Variants in TMEM132E observed in about 807,000 individuals in gnomAD.
TMEM132E encodes the protein transmembrane protein 132E.
A neutral mutation model predicts 78.5 loss-of-function variants in TMEM132E; 49 were observed. The ratio of observed to expected loss-of-function variants is 0.62; its 90% CI spans 0.50 to 0.79. The LOEUF is 0.79. TMEM132E is among the 30% of genes least tolerant of loss of function. The pLI is 0.00. For missense variants in TMEM132E, 1,403 were observed against 1,470.9 expected, an observed-to-expected ratio of 0.95 and a Z score of 0.75; for synonymous variants, 715 against 670.6, an observed-to-expected ratio of 1.07 and a Z score of -1.02.
rs894979336 is a variant in TMEM132E, at chr17:34,582,600, G to C, written c.67+1457G>C. On this transcript the variant is annotated intron_variant, in intron 1 of 8. Coordinates refer to ENST00000631683, the MANE Select transcript of TMEM132E (RefSeq NM_001304438.2). The stretch of plus-strand genomic sequence containing the variant: ...AATAGGCAGAGCAGCGAGCCAGCAG[G>C]GGGGCGAGGGTGAGGTGGGGCGAAG... Among the ~76,000 whole-genome samples, 73 of 152,092 alleles carry C rather than the reference G, an allele frequency of 4.8e-4. 3 individuals are homozygous for C. Among genetic ancestry groups the C allele is most frequent in the Admixed American group, 4.8e-3 (73 of 15,274 alleles).
At chr17:34,589,747 G>A (rs142371238) in intron 1 of TMEM132E, among the ~76,000 whole-genome samples, 4 of 152,232 alleles carry the variant, frequency 2.6e-5, no homozygotes, top group African/African-American at 9.6e-5. Flanking sequence ...ACCCACAACC[G>A]GAGCCCTGCC....
intron 1 of TMEM132E, among the ~76,000 whole-genome samples, chr17:34,582,717 G>T (rs1006702635): frequency 6.6e-6 from 1 of 152,098 alleles, no homozygotes; most frequent in Non-Finnish European, 1.5e-5. Context: ...GCCTGTCTGC[G>T]CACTGGAGCT....
Position 34,580,686 on chromosome 17 carries a change from C to T in TMEM132E, c.-391C>T, listed in dbSNP as rs573342991. 1 of 197,688 alleles carries T rather than the reference C, an allele frequency of 5.1e-6. No individual in the cohort carries two copies. Among genetic ancestry groups the T allele is most frequent in the East Asian group, 1.1e-4 (1 of 8,774 alleles). The allele number at this position is 197,688 out of a possible 1,614,324, so 12.2% of individuals were successfully genotyped here. A position where few individuals can be genotyped will look rare whatever the true frequency, so the allele number is the denominator to read the frequency against. ...GGATTGCGTTGGAAGTCGGCACCCT[C>T]GAGTGAGTTCGGATTCGAGCTGGGC... On this transcript the variant is annotated 5_prime_UTR_variant, in exon 1 of 9. Transcript: ENST00000631683.
At chr17:34,585,129 T>G (rs1052859225) in intron 1 of TMEM132E, among the ~76,000 whole-genome samples, 2 of 152,254 alleles carry the variant, frequency 1.3e-5, no homozygotes, top group African/African-American at 4.8e-5. Context: ...CATGCAGCCG[T>G]ATTCACAACA....
At chr17:34,634,768 A>T in intron 6 of TMEM132E, 31 bp from the exon 7 acceptor site, 1 of 1,587,258 alleles carries the variant, frequency 6.3e-7, no homozygotes, top group Non-Finnish European at 8.6e-7. Flanking sequence ...TCCAGGTGAG[A>T]AGCCTTCAGC....
intron 1 of TMEM132E, among the ~76,000 whole-genome samples, chr17:34,620,461 G>A (rs1018319058): frequency 2.6e-5 from 4 of 152,238 alleles, no homozygotes; most frequent in African/African-American, 4.8e-5. Context: ...CTTGTACTAC[G>A]CAAAGCTGGT....
intron 1 of TMEM132E, among the ~76,000 whole-genome samples, chr17:34,608,998 T>C (rs978629138): frequency 1.3e-5 from 2 of 152,180 alleles, no homozygotes; most frequent in African/African-American, 2.4e-5. Context: ...TCCTGAGTCA[T>C]TCCCATCTCA....
intron 1 of TMEM132E, among the ~76,000 whole-genome samples, 175 bp from the exon 2 acceptor site, chr17:34,625,950 AGC>A (rs1267390853): frequency 1.3e-5 from 2 of 152,118 alleles, no homozygotes; most frequent in African/African-American, 4.8e-5. Flanking sequence ...GAGCTCTGGG[AGC>A]CAGGCCTGAG....
intron 1 of TMEM132E, among the ~76,000 whole-genome samples, chr17:34,618,206 T>C (rs1262303986): frequency 1.3e-5 from 2 of 152,202 alleles, no homozygotes; most frequent in Non-Finnish European, 2.9e-5. Context: ...AAACATAGCA[T>C]TACAGTGAAC....
chr17:34,598,501 G>A (rs1315864943), intron 1 of TMEM132E, among the ~76,000 whole-genome samples: 1 of 152,136 alleles, frequency 6.6e-6, no homozygotes, highest in African/African-American at 2.4e-5. Context: ...TCCAGCCCCT[G>A]ATTAGAAATG....
In TMEM132E at chr17:34,638,099, T is replaced by A. The variant is rs1163489256; in HGVS notation, c.3092T>A (p.Val1031Glu). 8.8e-6 allele frequency: 14 copies of A among 1,596,910 alleles called. No homozygotes were observed. Among genetic ancestry groups the A allele is most frequent in the Non-Finnish European group, 1.2e-5 (14 of 1,172,174 alleles). Residue 1031 changes from valine (V) to glutamate (E), a missense_variant, in exon 9 of 9, where the codon GTG (valine) becomes GAG (glutamate). Val to Glu is a moderately radical substitution (Grantham distance 121, BLOSUM62 -2). Transcript: ENST00000631683. ...TCAGAGGAGCTGGCCTATGACTCGG[T>A]GCCCGCGGGCGAAGAGGACGAGGAG... ...LPSEELAYDSVPAGEEDEEEE... is the reference protein window; with the variant it reads ...LPSEELAYDSEPAGEEDEEEE...
chr17:34,638,046 C>A lies in TMEM132E; in HGVS notation c.3039C>A (p.Val1013=). The stretch of plus-strand genomic sequence containing the variant: ...CGCCCACCTCCAAGCGCAAGCGGGT[C>A]AAGTTCACCACCTTCACCACGCTGC... ...ASSPTSKRKR[V]KFTTFTTLPS... Residue 1013 remains valine, a synonymous_variant, in exon 9 of 9, where the codon GTC becomes GTA. Transcript: ENST00000631683. The A allele has an allele frequency of 6.3e-7, 1 of 1,578,134 alleles. No homozygotes were observed. Among genetic ancestry groups the A allele is most frequent in the African/African-American group, 1.3e-5 (1 of 74,458 alleles).
chr17:34,590,969 C>T (rs1400472965), intron 1 of TMEM132E, among the ~76,000 whole-genome samples: 1 of 145,008 alleles, frequency 6.9e-6, no homozygotes, highest in Non-Finnish European at 1.6e-5. Flanking sequence ...CACCCCATGA[C>T]AAAGAGCTCA....
intron 1 of TMEM132E, among the ~76,000 whole-genome samples, chr17:34,609,018 G>A (rs1208114485): frequency 6.6e-6 from 1 of 152,146 alleles, no homozygotes; most frequent in African/African-American, 2.4e-5. Context: ...AGATTCCTTG[G>A]CATGAGAGAG....
intron 5 of TMEM132E, among the ~76,000 whole-genome samples, chr17:34,630,689 C>T (rs1313132268): frequency 2.6e-5 from 4 of 152,152 alleles, no homozygotes; most frequent in Non-Finnish European, 5.9e-5. Flanking sequence ...ATGAGTTAGG[C>T]CAGGCATGAA....
At chr17:34,601,791 A>C (rs1439368868) in intron 1 of TMEM132E, among the ~76,000 whole-genome samples, 1 of 152,150 alleles carries the variant, frequency 6.6e-6, no homozygotes, top group Non-Finnish European at 1.5e-5. Context: ...TCCCCACCCC[A>C]AAACCCCAGG....
chr17:34,595,087 A>C (rs1165141588), intron 1 of TMEM132E, among the ~76,000 whole-genome samples: 1 of 152,240 alleles, frequency 6.6e-6, no homozygotes, highest in Non-Finnish European at 1.5e-5. Context: ...GTCATTCTGT[A>C]GGAACCACTG....
In TMEM132E at chr17:34,589,252, G is replaced by A. The variant is rs116410564; in HGVS notation, c.67+8109G>A. Among the ~76,000 whole-genome samples the A allele has an allele frequency of 7.1e-3, 1,085 of 152,338 alleles. 16 individuals are homozygous for A. The highest frequency in any genetic ancestry group is 0.025 in the African/African-American group (1,036 of 41,570). On this transcript the variant is annotated intron_variant, in intron 1 of 8. Coordinates refer to ENST00000631683, the MANE Select transcript of TMEM132E (RefSeq NM_001304438.2). ...AGTCAGGATAAGAGCCCTAGGAGGA[G>A]TGGGCTTGACCATTCAAAGAACAGC...
chr17:34,587,998 GC>G (rs1262354650), intron 1 of TMEM132E, among the ~76,000 whole-genome samples: 4 of 152,212 alleles, frequency 2.6e-5, no homozygotes, highest in African/African-American at 9.6e-5. Flanking sequence ...CAGGCAGCCA[GC>G]CATGCGGGCC....
Sources: gnomAD v4.1 joint callset for allele counts (sites outside exome capture counted in the v4.1 genomes callset) on GRCh38, gnomAD v4.1.1 for gene constraint, MANE v1.5 for transcripts, NCBI Gene and HGNC (gene_info 2026-07-23, HGNC 2026-07-21) for gene names.